TM4SF1: variants seen among roughly 807,000 people sequenced by gnomAD.
TM4SF1 encodes the protein transmembrane 4 L six family member 1, also known as transmembrane 4 L6 family member 1.
A neutral mutation model predicts 24.5 loss-of-function variants in TM4SF1; 20 were observed. The observed-to-expected ratio is 0.82, with a 90% CI of 0.57 to 1.19. The LOEUF (loss-of-function observed/expected upper bound fraction) is 1.19. Ranked by LOEUF, TM4SF1 falls within the 50% of genes most tolerant of loss-of-function variation. TM4SF1 has a pLI of 0.00. For missense variants in TM4SF1, 258 were observed against 248.1 expected (o/e 1.04, Z -0.27); for synonymous variants, 107 against 95.4 (o/e 1.12, Z -0.71).
Position 149,377,403 on chromosome 3 carries a change from A to G in TM4SF1, c.145T>C (p.Phe49Leu). 6.2e-7 allele frequency: 1 copy of G among 1,614,092 alleles called. No homozygotes were observed. Among genetic ancestry groups the G allele is most frequent in the Non-Finnish European group, 8.5e-7 (1 of 1,179,998 alleles). ...CCACCTCCTACGATGCCAGAAAAGA[A>G]CCACACGAAGCGGCTGAGGTGGTTT... ...SENHLSRFVW[F>L]FSGIVGGGLL... Residue 49 changes from phenylalanine to leucine, a missense_variant, in exon 1 of 5, where the codon TTC (phenylalanine) becomes CTC (leucine). By Grantham distance (22) the Phe-to-Leu change is conservative. Transcript: ENST00000305366.
At chr3:149,374,485 G>C (rs1238142640) in intron 3 of TM4SF1, among the ~76,000 whole-genome samples, 5 of 152,154 alleles carry the variant, frequency 3.3e-5, no homozygotes, top group Non-Finnish European at 5.9e-5. Flanking sequence ...ATCAACTCCT[G>C]CTCAAAGAAA....
At chr3:149,375,096 T>C (rs780148262) in intron 3 of TM4SF1, among the ~76,000 whole-genome samples, 8 of 152,074 alleles carry the variant, frequency 5.3e-5, no homozygotes, top group Non-Finnish European at 1.0e-4. Flanking sequence ...CACTCTGTAT[T>C]TGGGAAGCTG....
At chr3:149,372,769 G>A (rs536962714) in intron 3 of TM4SF1, among the ~76,000 whole-genome samples, 2 of 152,250 alleles carry the variant, frequency 1.3e-5, no homozygotes, top group East Asian at 1.9e-4. Context: ...GATTACAGGC[G>A]TGAACCACCA....
At position 149,371,726 on chromosome 3, in the gene TM4SF1, C is replaced by A. The variant is rs1413121756; in HGVS notation, c.555G>T (p.Val185=). The A allele has an allele frequency of 6.2e-7, 1 of 1,614,142 alleles. No homozygotes were observed. Among genetic ancestry groups the A allele is most frequent in the Admixed American group, 1.7e-5 (1 of 60,022 alleles). The change falls in exon 4 of 5, where the codon GTG becomes GTT. Residue 185 remains valine, a synonymous_variant. Transcript: ENST00000305366. ...AGCAAAAGCCACATATGCCTCCAAG[C>A]ACTCCATTTATTACTTGAATAAGAC... ...ILCLIQVING[V]LGGICGFCCS...
chr3:149,374,416 A>C (rs186626307), intron 3 of TM4SF1, among the ~76,000 whole-genome samples: 391 of 152,356 alleles, frequency 2.6e-3, no homozygotes, highest in Middle Eastern at 0.014. Flanking sequence ...ATGAATCTCA[A>C]AACTAAACCT....
Position 149,377,564 on chromosome 3 carries a change from T to C in TM4SF1, c.-17A>G. 6.2e-7 allele frequency: 1 copy of C among 1,600,572 alleles called. No homozygotes were observed. Among genetic ancestry groups the C allele is most frequent in the Non-Finnish European group, 8.5e-7 (1 of 1,172,190 alleles). On this transcript the variant is annotated 5_prime_UTR_variant, in exon 1 of 5. Transcript: ENST00000305366. Reference sequence around the variant, plus strand: ...ATAGCACATGGTGGTCTGCTAGGTTTTCTCCCCCTTCTCTTTGTCTTCAGC... The same window carrying C: ...ATAGCACATGGTGGTCTGCTAGGTTCTCTCCCCCTTCTCTTTGTCTTCAGC...
intron 1 of TM4SF1, among the ~76,000 whole-genome samples, chr3:149,376,519 T>C (rs962383704): frequency 6.6e-6 from 1 of 152,130 alleles, no homozygotes; most frequent in African/African-American, 2.4e-5. Flanking sequence ...TAAAATAAAA[T>C]TAAATAAAAT....
At position 149,371,667 on chromosome 3, in the gene TM4SF1, A is replaced by G. The variant is rs1292333515; in HGVS notation, c.594+20T>C. 6.2e-7 allele frequency: 1 copy of G among 1,614,100 alleles called. No homozygotes were observed. Among genetic ancestry groups the G allele is most frequent in the Non-Finnish European group, 8.5e-7 (1 of 1,179,958 alleles). On this transcript the variant is annotated intron_variant, in intron 4 of 4. Transcript: ENST00000305366. The stretch of plus-strand genomic sequence containing the variant: ...ATTAACACCAGGGCCAGACTACGAC[A>G]TTTTCATGCAGGTTCTTACCTGTTG...
In TM4SF1 at chr3:149,369,642, C is replaced by T. The variant is rs1731771414; in HGVS notation, c.*224G>A. On this transcript the variant is annotated 3_prime_UTR_variant, in exon 5 of 5. Coordinates refer to ENST00000305366, the MANE Select transcript of TM4SF1 (RefSeq NM_014220.3). The stretch of plus-strand genomic sequence containing the variant: ...TTACCCCCAGAGGGTGGTTTGTTTC[C>T]TCATTCCTTAAAAAAAAACAAAAAC... 3.9e-6 allele frequency: 2 copies of T among 518,660 alleles called. No homozygotes were observed. Among genetic ancestry groups the T allele is most frequent in the Non-Finnish European group, 3.3e-6 (1 of 303,382 alleles). The allele number at this position is 518,660 out of a possible 1,614,324, so 32.1% of individuals were successfully genotyped here. A position where few individuals can be genotyped will look rare whatever the true frequency, so the allele number is the denominator to read the frequency against.
At chr3:149,369,955 A>G (rs1302391021) in intron 4 of TM4SF1, 75 bp from the exon 5 acceptor site, 1 of 1,538,286 alleles carries the variant, frequency 6.5e-7, no homozygotes, top group Non-Finnish European at 8.8e-7. Flanking sequence ...TTAAGTTCCT[A>G]TTTTAAGCAA....
intron 3 of TM4SF1, among the ~76,000 whole-genome samples, chr3:149,375,118 T>C (rs1051677587): frequency 6.6e-6 from 1 of 152,154 alleles, no homozygotes; most frequent in African/African-American, 2.4e-5. Flanking sequence ...GGAAGGGGTA[T>C]TGCTTGAGCT....
chr3:149,371,812 C>A lies in TM4SF1; in HGVS notation c.469G>T (p.Glu157Ter). ...ATAGAAAACAGAGATACATTCCATTCCACAATGTGCTTGGGTTCAGTGCAC... is the reference window on the plus strand; with the variant it reads ...ATAGAAAACAGAGATACATTCCATTACACAATGTGCTTGGGTTCAGTGCAC... ...SECTEPKHIV[E>*]WNVSLFSILL... is the part of the protein sequence containing the mutation. The change falls in exon 4 of 5, where the codon GAA becomes TAA. Residue 157 changes from glutamate (E) to a stop codon, truncating the protein, a stop_gained. Transcript: ENST00000305366. LOFTEE classifies it high-confidence loss of function. 1.9e-6 allele frequency: 3 copies of A among 1,614,082 alleles called. No individual in the cohort carries two copies. The highest frequency in any genetic ancestry group is 2.5e-6 in the Non-Finnish European group (3 of 1,180,002).
chr3:149,374,186 A>G (rs904633340), intron 3 of TM4SF1, among the ~76,000 whole-genome samples: 1 of 152,188 alleles, frequency 6.6e-6, no homozygotes, highest in Admixed American at 6.5e-5. Context: ...GACAATTGCC[A>G]TTGATTTTAT....
At position 149,375,675 on chromosome 3, in the gene TM4SF1, C is replaced by T. The variant is rs1731933245; in HGVS notation, c.267+5G>A. On this transcript the variant is annotated splice_donor_5th_base_variant and intron_variant, in intron 2 of 4. Transcript: ENST00000305366. ...CATTTTCACCACCAGGGCAGGAGGA[C>T]CTACCGCACATCGTTTGCCACAGTT... 1.5e-5 allele frequency: 25 copies of T among 1,614,184 alleles called. No homozygotes were observed. Among genetic ancestry groups the T allele is most frequent in the Non-Finnish European group, 2.1e-5 (25 of 1,180,022 alleles).
chr3:149,370,769 G>A (rs888864124), intron 4 of TM4SF1: 3 of 152,056 alleles, frequency 2.0e-5, no homozygotes, highest in Non-Finnish European at 4.4e-5. Context: ...TTTCAGCAAA[G>A]TTTTTCATGG....
Position 149,375,779 on chromosome 3 carries a change from A to G in TM4SF1, c.178-10T>C, listed in dbSNP as rs1000544177. On this transcript the variant is annotated splice_polypyrimidine_tract_variant and intron_variant, in intron 1 of 4. Transcript: ENST00000305366. The stretch of plus-strand genomic sequence containing the variant: ...ATGCTGGCAGGAGCATCTGGTTAGG[A>G]AACAAACAAAGTCAGGTCATTGTCT... 6.8e-6 allele frequency: 11 copies of G among 1,612,126 alleles called. No individual in the cohort carries two copies. Among genetic ancestry groups the G allele is most frequent in the Non-Finnish European group, 7.6e-6 (9 of 1,178,554 alleles).
rs145613550 is a variant in TM4SF1, at chr3:149,371,750, A to G, written c.531T>C (p.Cys177=). Residue 177 remains cysteine (C), a synonymous_variant, in exon 4 of 5, where the codon TGT becomes TGC. Transcript: ENST00000305366. ...LALGGIEFIL[C]LIQVINGVLG... is the part of the protein sequence containing the mutation. The stretch of plus-strand genomic sequence containing the variant: ...GCACTCCATTTATTACTTGAATAAG[A>G]CACAAGATGAATTCAATTCCACCAA... The G allele has an allele frequency of 4.2e-5, 67 of 1,614,204 alleles. No homozygotes were observed. Among genetic ancestry groups the G allele is most frequent in the Non-Finnish European group, 5.6e-5 (66 of 1,180,018 alleles).
rs1731980430 is a variant in TM4SF1, at chr3:149,377,374, C to T, written c.174G>A (p.Leu58=). 1 of 1,612,388 alleles carries T rather than the reference C, an allele frequency of 6.2e-7. No individual in the cohort carries two copies. The highest frequency in any genetic ancestry group is 1.1e-5 in the South Asian group (1 of 90,674). The change falls in exon 1 of 5, where the codon CTG becomes CTA. Residue 58 remains leucine, a synonymous_variant. Transcript: ENST00000305366. The part of the protein sequence containing the change: ...WFFSGIVGGG[L]LMLLPAFVFI... The stretch of plus-strand genomic sequence containing the variant: ...GTAATAATCCTGAATGACTTACCAG[C>T]AGGCCACCTCCTACGATGCCAGAAA...
intron 4 of TM4SF1, 126 bp downstream of exon 4, chr3:149,371,561 A>G (rs1184721713): frequency 2.1e-6 from 2 of 947,698 alleles, no homozygotes; most frequent in Non-Finnish European, 3.4e-6. Flanking sequence ...TTGTGTTGCT[A>G]CAAAGATGAT....
Sources: allele counts gnomAD v4.1 joint callset (sites outside exome capture counted in the v4.1 genomes callset), GRCh38; gene constraint gnomAD v4.1.1; transcripts MANE v1.5; gene names NCBI Gene and HGNC (gene_info 2026-07-23, HGNC 2026-07-21).